The following TLR5 variants were observed in gnomAD, a reference collection of about 807,000 sequenced individuals.
TLR5 encodes toll-like receptor 5.
For synonymous variants in TLR5, 373 were observed against 384.4 expected (o/e 0.97, Z 0.35); for missense variants, 944 against 999.8 (o/e 0.94, Z 0.75).
intron 5 of TLR5, among the ~76,000 whole-genome samples, chr1:223,117,575 AAAAAAAAAG>A (rs1232914695): frequency 9.2e-5 from 14 of 151,626 alleles, no homozygotes; most frequent in South Asian, 2.1e-4. Flanking sequence ...AAAAAAAAAA[AAAAAAAAAG>A]AAAAGAAAAG....
chr1:223,119,950 A>AAATAAAATAAAATAAAATAAAATAAAAT (rs1656861893), intron 5 of TLR5, among the ~76,000 whole-genome samples: 2 of 68,238 alleles, frequency 2.9e-5, no homozygotes, highest in East Asian at 1.5e-3. Flanking sequence ...ACTGTCTCAA[A>AAATAAAATAAAATAAAATAAAATAAAAT]AATAAAATAA....
At chr1:223,124,080 A>T (rs1310670522) in intron 5 of TLR5, among the ~76,000 whole-genome samples, 1 of 152,222 alleles carries the variant, frequency 6.6e-6, no homozygotes, top group African/African-American at 2.4e-5. Context: ...TCACACAATA[A>T]AAACCACAAG....
chr1:223,112,659 T>G lies in TLR5; in HGVS notation c.373A>C (p.Arg125=). The stretch of plus-strand genomic sequence containing the variant: ...TCAGAGAGACCACAGAAATACAGTC[T>G]AAGTTCAAACAGATGGAACAGTCCC... The part of the protein sequence containing the change: ...FQGLFHLFEL[R]LYFCGLSDAV... Residue 125 remains arginine (R), a synonymous_variant, in exon 6 of 6, where the codon AGA becomes CGA. Transcript: ENST00000642603. 1 of 1,614,200 alleles carries G rather than the reference T, an allele frequency of 6.2e-7. No homozygotes were observed. Among genetic ancestry groups the G allele is most frequent in the Non-Finnish European group, 8.5e-7 (1 of 1,180,042 alleles).
At chr1:223,136,106 A>G (rs928213099) in intron 3 of TLR5, among the ~76,000 whole-genome samples, 10 of 152,004 alleles carry the variant, frequency 6.6e-5, no homozygotes, top group Admixed American at 6.6e-4. Flanking sequence ...AAGTTGGGGG[A>G]AGAGGGGTGG....
chr1:223,113,805 T>C (rs952290128), intron 5 of TLR5, among the ~76,000 whole-genome samples: 1 of 152,164 alleles, frequency 6.6e-6, no homozygotes, highest in East Asian at 1.9e-4. Flanking sequence ...ATTCATTCGT[T>C]TGTTTATTCA....
At chr1:223,113,672 C>A (rs1656484197) in intron 5 of TLR5, among the ~76,000 whole-genome samples, 2 of 152,118 alleles carry the variant, frequency 1.3e-5, no homozygotes, top group South Asian at 4.1e-4. Flanking sequence ...GTTGCCCATG[C>A]TGGTCTTCAA....
chr1:223,138,373 G>GT (rs1657701855), intron 2 of TLR5, among the ~76,000 whole-genome samples: 1 of 151,930 alleles, frequency 6.6e-6, no homozygotes, highest in Admixed American at 6.6e-5. Context: ...GGCTTCCTTA[G>GT]TTTTTTCCCT....
At chr1:223,133,919 G>T (rs990831061) in intron 4 of TLR5, among the ~76,000 whole-genome samples, 4 of 152,222 alleles carry the variant, frequency 2.6e-5, no homozygotes, top group African/African-American at 9.6e-5. Context: ...GGGGCGCGGG[G>T]AGCTGCAAGC....
intron 5 of TLR5, among the ~76,000 whole-genome samples, chr1:223,114,404 T>C (rs920549319): frequency 3.9e-5 from 6 of 152,058 alleles, no homozygotes; most frequent in African/African-American, 1.2e-4. Flanking sequence ...AAGGCCTCTG[T>C]TGGAAGGTAA....
At chr1:223,118,699 G>A (rs1326016622) in intron 5 of TLR5, among the ~76,000 whole-genome samples, 1 of 152,198 alleles carries the variant, frequency 6.6e-6, no homozygotes, top group Non-Finnish European at 1.5e-5. Context: ...TAAGGTCTGT[G>A]TTGATGTTAA....
chr1:223,118,410 G>T (rs1656784270), intron 5 of TLR5, among the ~76,000 whole-genome samples: 1 of 151,994 alleles, frequency 6.6e-6, no homozygotes, highest in South Asian at 2.1e-4. Flanking sequence ...AGCCAGGCAT[G>T]GTGGCGCATG....
At chr1:223,117,164 G>T (rs1020073450) in intron 5 of TLR5, among the ~76,000 whole-genome samples, 29 of 151,988 alleles carry the variant, frequency 1.9e-4, no homozygotes, top group African/African-American at 6.8e-4. Context: ...CGGCAGTGCT[G>T]GGGGACCCGG....
rs953067524 is a variant in TLR5, at chr1:223,131,321, C to T, written c.-5+1154G>A. 1.3e-5 allele frequency among the ~76,000 whole-genome samples: 2 copies of T among 152,138 alleles called. No homozygotes were observed. Among genetic ancestry groups the T allele is most frequent in the African/African-American group, 2.4e-5 (1 of 41,424 alleles). On this transcript the variant is annotated intron_variant, in intron 5 of 5. Transcript: ENST00000642603. The surrounding 1 kb of genome is among the most constrained non-coding windows in gnomAD (Gnocchi z 4.2). ...AGAGCAGGAAACTCCAGCCACCCTGCCTTCCTGGCTGTATCTACACTGGCA... is the reference window on the plus strand; with the variant it reads ...AGAGCAGGAAACTCCAGCCACCCTGTCTTCCTGGCTGTATCTACACTGGCA...
chr1:223,117,711 C>T (rs191099345), intron 5 of TLR5, among the ~76,000 whole-genome samples: 32 of 152,220 alleles, frequency 2.1e-4, no homozygotes, highest in Admixed American at 1.0e-3. Context: ...CTCTAAAAGC[C>T]GTGGCTCTTG....
chr1:223,133,705 G>A (rs769008104), intron 4 of TLR5, among the ~76,000 whole-genome samples: 4 of 152,236 alleles, frequency 2.6e-5, no homozygotes, highest in Non-Finnish European at 1.5e-5. Flanking sequence ...GCATCAGAGA[G>A]TACCTCAAAG....
chr1:223,116,609 T>G (rs1202631025), intron 5 of TLR5, among the ~76,000 whole-genome samples: 1 of 152,200 alleles, frequency 6.6e-6, no homozygotes, highest in Admixed American at 6.5e-5. Context: ...GGGCTGCCAC[T>G]GCTGGCCGCC....
chr1:223,110,013 C>A lies in TLR5; in HGVS notation c.*442G>T. On this transcript the variant is annotated 3_prime_UTR_variant, in exon 6 of 6. Transcript: ENST00000642603. ...TCTGTGGCAAAAGAAGGAAATGTGC[C>A]TCTGCTTCTGTTTGTTTTCTACTTA... is the stretch of plus-strand genomic sequence containing the variant. 5.1e-6 allele frequency: 1 copy of A among 197,810 alleles called. No homozygotes were observed. The highest frequency in any genetic ancestry group is 9.0e-5 in the South Asian group (1 of 11,120). The allele number at this position is 197,810 out of a possible 1,614,324, so 12.3% of individuals were successfully genotyped here.
At chr1:223,125,124 A>G (rs1211399639) in intron 5 of TLR5, among the ~76,000 whole-genome samples, 1 of 152,200 alleles carries the variant, frequency 6.6e-6, no homozygotes, top group East Asian at 1.9e-4. Context: ...TGAAATTCAC[A>G]TTCTTGAATA....
intron 3 of TLR5, among the ~76,000 whole-genome samples, chr1:223,135,213 CCT>C (rs1657560384): frequency 6.6e-6 from 1 of 152,066 alleles, no homozygotes; most frequent in African/African-American, 2.4e-5. Context: ...ATGAGGATGC[CCT>C]GAGAGGAAGA....
Sources: allele counts gnomAD v4.1 joint callset (sites outside exome capture counted in the v4.1 genomes callset), GRCh38; gene constraint gnomAD v4.1.1; non-coding constraint Gnocchi (gnomAD v3.1); transcripts MANE v1.5; gene names NCBI Gene and HGNC (gene_info 2026-07-23, HGNC 2026-07-21).